Variants in ROBO2 observed in about 807,000 individuals in gnomAD.
The protein encoded by ROBO2 is roundabout guidance receptor 2.
In ROBO2, 53 loss-of-function variants were observed where a neutral mutation model predicts 160.8. The ratio of observed to expected loss-of-function variants is 0.33; its 90% CI spans 0.26 to 0.41. The LOEUF is 0.41. Among genes scored for constraint, ROBO2 ranks in the 10% least tolerant of loss-of-function variants. The pLI is 1.00. For synonymous variants in ROBO2, 664 were observed against 611.7 expected (o/e 1.09, Z -1.26); for missense variants, 1,577 against 1,722.4 (o/e 0.92, Z 1.49).
At chr3:76,745,803 A>T (rs1478440258) in intron 2 of ROBO2, among the ~76,000 whole-genome samples, 1 of 5,320 alleles carries the variant, frequency 1.9e-4, no homozygotes, top group Non-Finnish European at 4.7e-4. Flanking sequence ...ATTTATTTTT[A>T]TTTATTTATT....
intron 2 of ROBO2, among the ~76,000 whole-genome samples, chr3:76,326,388 G>A (rs566700804): frequency 6.6e-6 from 1 of 151,996 alleles, no homozygotes; most frequent in African/African-American, 2.4e-5. Flanking sequence ...ATGTAGATAG[G>A]CAGATAAATG....
At chr3:76,223,686 T>C (rs1173477636) in intron 2 of ROBO2, among the ~76,000 whole-genome samples, 6 of 152,116 alleles carry the variant, frequency 3.9e-5, no homozygotes, top group Admixed American at 2.6e-4. Context: ...AATCTGAGTA[T>C]CAGCAATATC....
chr3:77,367,614 A>G (rs746864337), intron 2 of ROBO2, among the ~76,000 whole-genome samples: 6 of 152,204 alleles, frequency 3.9e-5, no homozygotes, highest in Non-Finnish European at 5.9e-5. Flanking sequence ...TCAGAAGGAG[A>G]TGAAGAGTTC....
At chr3:76,361,550 C>G (rs910802391) in intron 2 of ROBO2, among the ~76,000 whole-genome samples, 3 of 151,842 alleles carry the variant, frequency 2.0e-5, no homozygotes, top group Non-Finnish European at 4.4e-5. Flanking sequence ...TTCAAATTGC[C>G]CATGACCATA....
At chr3:75,981,410 A>T (rs2107449576) in intron 2 of ROBO2, among the ~76,000 whole-genome samples, 1 of 151,464 alleles carries the variant, frequency 6.6e-6, no homozygotes, top group East Asian at 1.9e-4. Flanking sequence ...AGACAGTGTT[A>T]ATTATATAGT....
At chr3:77,297,952 G>A (rs542723647) in intron 2 of ROBO2, among the ~76,000 whole-genome samples, 6 of 152,252 alleles carry the variant, frequency 3.9e-5, no homozygotes, top group Admixed American at 2.0e-4. Context: ...TTGGACATGG[G>A]CCAAGAAGGT....
intron 2 of ROBO2, among the ~76,000 whole-genome samples, chr3:76,998,154 A>G (rs1370891010): frequency 3.3e-5 from 5 of 152,162 alleles, no homozygotes; most frequent in East Asian, 1.9e-4. Flanking sequence ...ACAACCTGAC[A>G]CAGTACATAG....
intron 2 of ROBO2, among the ~76,000 whole-genome samples, chr3:76,054,200 G>A (rs780951866): frequency 6.6e-6 from 1 of 151,930 alleles, no homozygotes; most frequent in Non-Finnish European, 1.5e-5. Flanking sequence ...ATCCTGATTT[G>A]GTGAGGTGAA....
At chr3:76,447,159 A>T (rs2077225261) in intron 2 of ROBO2, among the ~76,000 whole-genome samples, 2 of 152,226 alleles carry the variant, frequency 1.3e-5, no homozygotes, top group African/African-American at 4.8e-5. Flanking sequence ...AAGGGCTCAT[A>T]TCCAGAATCT....
intron 17 of ROBO2, among the ~76,000 whole-genome samples, chr3:77,594,256 A>G (rs895215841): frequency 1.3e-5 from 2 of 152,224 alleles, no homozygotes; most frequent in African/African-American, 4.8e-5. Context: ...TGTAATATGC[A>G]AAGTATATTA....
At chr3:76,569,698 T>C (rs558100976) in intron 2 of ROBO2, among the ~76,000 whole-genome samples, 1 of 152,284 alleles carries the variant, frequency 6.6e-6, no homozygotes, top group African/African-American at 2.4e-5. Flanking sequence ...AACTCAAAAG[T>C]AGAACCATCC....
At chr3:77,199,946 A>AT (rs11428610) in intron 2 of ROBO2, among the ~76,000 whole-genome samples, 50,598 of 151,402 alleles carry the variant, frequency 0.33, 9,928 homozygotes, top group Middle Eastern at 0.53. Flanking sequence ...TATTCTTTAT[A>AT]TTCCATTGAA....
At chr3:76,056,575 A>G (rs2067855696) in intron 2 of ROBO2, among the ~76,000 whole-genome samples, 2 of 152,208 alleles carry the variant, frequency 1.3e-5, no homozygotes, top group African/African-American at 4.8e-5. Context: ...AGTTTACAAA[A>G]AAAGAAAAAG....
intron 2 of ROBO2, among the ~76,000 whole-genome samples, chr3:76,591,313 A>G (rs1459996442): frequency 6.6e-6 from 1 of 152,110 alleles, no homozygotes; most frequent in East Asian, 1.9e-4. Context: ...GTAGACTGAG[A>G]AGGAGATAAA....
intron 2 of ROBO2, among the ~76,000 whole-genome samples, chr3:76,871,045 T>A (rs1166976): frequency 0.16 from 24,557 of 152,118 alleles, 2,277 homozygotes; most frequent in African/African-American, 0.24. Context: ...AAACTTACTC[T>A]GTAGTTCTTG....
intron 2 of ROBO2, among the ~76,000 whole-genome samples, chr3:77,381,893 G>T (rs1199148943): frequency 6.6e-6 from 1 of 152,022 alleles, no homozygotes; most frequent in African/African-American, 2.4e-5. Context: ...ATGTTTATGG[G>T]GGGTGAGGGG....
intron 24 of ROBO2, among the ~76,000 whole-genome samples, chr3:77,642,057 T>A (rs2095358099): frequency 6.6e-6 from 1 of 152,188 alleles, no homozygotes; most frequent in Admixed American, 6.5e-5. Flanking sequence ...TTGTAATATA[T>A]TAGTTGTAAC....
At chr3:76,876,090 C>T (rs1266969018) in intron 2 of ROBO2, among the ~76,000 whole-genome samples, 1 of 151,954 alleles carries the variant, frequency 6.6e-6, no homozygotes, top group Admixed American at 6.6e-5. Flanking sequence ...TAGTCACAAC[C>T]GTGGGGGATT....
intron 2 of ROBO2, among the ~76,000 whole-genome samples, chr3:76,451,887 G>T (rs557352011): frequency 3.3e-5 from 5 of 152,194 alleles, no homozygotes; most frequent in South Asian, 2.1e-4. Flanking sequence ...ATATGATCAA[G>T]AAACAGGAGA....
Sources: allele counts gnomAD v4.1 joint callset (sites outside exome capture counted in the v4.1 genomes callset), GRCh38; gene constraint gnomAD v4.1.1; transcripts MANE v1.5; gene names NCBI Gene and HGNC (gene_info 2026-07-23, HGNC 2026-07-21).